Variants in TUSC3 observed in about 807,000 individuals in gnomAD.
TUSC3 encodes tumor suppressor candidate 3.
Under a neutral mutation model 44.8 loss-of-function variants are expected in TUSC3, and 45 were observed. The observed-to-expected ratio is 1.00, with a 90% CI of 0.79 to 1.29. The LOEUF (loss-of-function observed/expected upper bound fraction) is 1.29, where lower values mean the gene tolerates loss of function less well. TUSC3 is among the 50% of genes most tolerant of loss of function. The probability of loss-of-function intolerance (pLI) is 0.00; values close to 1 mark genes in which losing one functional copy is unlikely to be tolerated. For synonymous variants in TUSC3, 212 were observed against 152.9 expected (o/e 1.39, Z -2.85); for missense variants, 519 against 437.9 (o/e 1.19, Z -1.65).
Position 15,650,732 on chromosome 8 carries a change from C to A in TUSC3, c.344C>A (p.Ser115Tyr). ...ANEEYQILAN[S>Y]WRYSSAFCNK... ...GAAGAATATCAAATACTGGCGAACT[C>A]CTGGCGCTATTCATCTGCTTTTTGT... The change falls in exon 3 of 11, where the codon TCC becomes TAC. Residue 115 changes from serine to tyrosine, a missense_variant. Transcript: ENST00000503731. 6.2e-7 allele frequency: 1 copy of A among 1,614,070 alleles called. No individual in the cohort carries two copies. The highest frequency in any genetic ancestry group is 8.5e-7 in the Non-Finnish European group (1 of 1,180,022).
At position 15,512,864 on chromosome 8, in the gene TUSC3, A is replaced by ATG. The variant is rs1193295674; in HGVS notation, n.189+29389_189+29390dup. On this transcript the variant is annotated intron_variant and non_coding_transcript_variant, in intron 2 of 5. Coordinates refer to the TUSC3 transcript ENST00000503191. ...TATATTTGTGTGTGTGTGTATATAT[A>ATG]TGTGTGTGTATATATATATATACAC... 7.8e-4 allele frequency among the ~76,000 whole-genome samples: 65 copies of ATG among 82,822 alleles called. 1 individual carries two copies. Among genetic ancestry groups the ATG allele is most frequent in the South Asian group, 6.5e-3 (11 of 1,694 alleles). 54.3% of individuals were successfully genotyped at this position (82,822 alleles called of 152,430 possible).
intron 2 of TUSC3, among the ~76,000 whole-genome samples, chr8:15,533,353 A>G (rs1305206213): frequency 6.6e-6 from 1 of 152,226 alleles, no homozygotes; most frequent in African/African-American, 2.4e-5. Context: ...CTGCATTTTT[A>G]CATAACCTAA....
intron 1 of TUSC3, among the ~76,000 whole-genome samples, chr8:15,553,896 G>A (rs573615141): frequency 6.6e-6 from 1 of 151,862 alleles, no homozygotes; most frequent in South Asian, 2.1e-4. Context: ...AGTTGTTACG[G>A]TTGTTCGTAG....
rs926788364 is a variant in TUSC3, at chr8:15,556,941, C to T, written c.138+16373C>T. ...ATGAGTAGGTTGTGAAAATTTTCTC[C>T]CATTTTGTAGGTTGCCTGTACACTC... On this transcript the variant is annotated intron_variant, in intron 1 of 10. Coordinates refer to ENST00000503731, the MANE Select transcript of TUSC3 (RefSeq NM_006765.4). 4.7e-5 allele frequency among the ~76,000 whole-genome samples: 7 copies of T among 149,660 alleles called. No individual in the cohort carries two copies. The East Asian group carries it at 1.0e-3, about 22-fold the overall frequency.
At chr8:15,625,930 A>C (rs776714308) in intron 2 of TUSC3, among the ~76,000 whole-genome samples, 10 of 152,214 alleles carry the variant, frequency 6.6e-5, no homozygotes, top group Non-Finnish European at 1.0e-4. Flanking sequence ...TATAAACACT[A>C]TTGTCAGAAT....
downstream of TUSC3, among the ~76,000 whole-genome samples, chr8:15,771,265 G>T (rs144145601): frequency 1.3e-5 from 2 of 152,118 alleles, no homozygotes; most frequent in African/African-American, 4.8e-5. Flanking sequence ...TCCTCAAATG[G>T]AAATACTCCT....
chr8:15,465,265 A>G (rs182217604), intron 1 of TUSC3, among the ~76,000 whole-genome samples: 1 of 152,268 alleles, frequency 6.6e-6, no homozygotes, highest in African/African-American at 2.4e-5. Context: ...GGACACAATA[A>G]GACTACACTC....
chr8:15,778,454 A>G, the TUSC3 span, among the ~76,000 whole-genome samples: 4 of 152,158 alleles, frequency 2.6e-5, no homozygotes, highest in African/African-American at 2.4e-5. Context: ...CCTGACTCAC[A>G]GAAGAAAACT....
chr8:15,737,992 G>A (rs559056829), intron 7 of TUSC3, among the ~76,000 whole-genome samples: 58 of 152,198 alleles, frequency 3.8e-4, no homozygotes, highest in Middle Eastern at 6.8e-3. Context: ...AACTCCTAAA[G>A]GCCTTGAGTT....
chr8:15,622,826 AC>A (rs957615060), intron 1 of TUSC3, among the ~76,000 whole-genome samples: 1 of 150,604 alleles, frequency 6.6e-6, no homozygotes, highest in African/African-American at 2.4e-5. Context: ...TTTTATGTCA[AC>A]CCCCATTGGC....
intron 1 of TUSC3, among the ~76,000 whole-genome samples, chr8:15,433,255 C>T (rs1585786641): frequency 1.3e-5 from 2 of 151,950 alleles, no homozygotes; most frequent in African/African-American, 2.4e-5. Context: ...TTTAAAAAAA[C>T]AACATAGTTC....
intron 1 of TUSC3, among the ~76,000 whole-genome samples, chr8:15,585,814 C>T (rs1803576111): frequency 6.6e-6 from 1 of 152,112 alleles, no homozygotes; most frequent in South Asian, 2.1e-4. Flanking sequence ...TGAAAAGATT[C>T]AACGGAGGAC....
chr8:15,477,070 G>C (rs10087876), intron 1 of TUSC3, among the ~76,000 whole-genome samples: 75,880 of 152,022 alleles, frequency 0.5, 19,222 homozygotes, highest in Non-Finnish European at 0.55. Context: ...CTCATCAAAA[G>C]AAAGGGTGGG....
At chr8:15,543,272 G>C (rs1801750808) in intron 1 of TUSC3, among the ~76,000 whole-genome samples, 1 of 152,150 alleles carries the variant, frequency 6.6e-6, no homozygotes, top group Admixed American at 6.5e-5. Flanking sequence ...CAGAGTAGTT[G>C]ATTTAGCATG....
In TUSC3 at chr8:15,449,957, G is replaced by A. The variant is rs1400050848; in HGVS notation, n.91+32652G>A. Among the ~76,000 whole-genome samples, 5 of 152,098 alleles carry A rather than the reference G, an allele frequency of 3.3e-5. No individual in the cohort carries two copies. The South Asian group carries it at 8.3e-4, about 25-fold the overall frequency. On this transcript the variant is annotated intron_variant and non_coding_transcript_variant, in intron 1 of 5. Transcript: ENST00000503191. ...CTGTACAGCTTTGTAGCCTAGGAGC[G>A]ATAGGCTAGGCTATACCACATAGCC... is the stretch of plus-strand genomic sequence containing the variant.
At chr8:15,743,501 A>C in intron 7 of TUSC3, 37 bp from the exon 8 acceptor site, 1 of 1,606,554 alleles carries the variant, frequency 6.2e-7, no homozygotes, top group Non-Finnish European at 8.5e-7. Context: ...GATTTTATTC[A>C]CATCTATGTC....
intron 1 of TUSC3, among the ~76,000 whole-genome samples, chr8:15,605,599 T>G (rs1313866063): frequency 1.2e-4 from 18 of 151,786 alleles, no homozygotes. Context: ...CTGCATTGCC[T>G]TACAAATACC....
intron 1 of TUSC3, among the ~76,000 whole-genome samples, chr8:15,571,900 T>G (rs1214364128): frequency 6.6e-6 from 1 of 152,144 alleles, no homozygotes. Flanking sequence ...AATACTGGGC[T>G]TCAAATATTC....
At position 15,766,147 on chromosome 8, in the gene TUSC3, TAAA is replaced by T; in HGVS notation, c.*1994_*1996del. 1 of 152,194 alleles carries T rather than the reference TAAA, an allele frequency of 6.6e-6. No individual in the cohort carries two copies. The highest frequency in any genetic ancestry group is 2.1e-4 in the South Asian group (1 of 4,826). 9.4% of individuals were successfully genotyped at this position (152,194 alleles called of 1,614,324 possible). A position where few individuals can be genotyped will look rare whatever the true frequency, so the allele number is the denominator to read the frequency against. On this transcript the variant is annotated 3_prime_UTR_variant, in exon 11 of 11. Coordinates refer to ENST00000503731, the MANE Select transcript of TUSC3 (RefSeq NM_006765.4). ...GAGCATTTAAAATTACATCCAGTGA[TAAA>T]AACAATATTTTTTTTTCAGAATTTC...
Sources: allele counts gnomAD v4.1 joint callset (sites outside exome capture counted in the v4.1 genomes callset), GRCh38; gene constraint gnomAD v4.1.1; transcripts MANE v1.5; gene names NCBI Gene and HGNC (gene_info 2026-07-23, HGNC 2026-07-21).